The following ADGRL2 variants were observed in gnomAD, a reference collection of about 807,000 sequenced individuals.
ADGRL2 encodes the protein calcium-independent alpha-latrotoxin receptor 2.
ADGRL2 carries 44 observed loss-of-function variants against 157.4 expected under a neutral mutation model. That is an observed-to-expected ratio of 0.28 (90% CI 0.22 to 0.36). The LOEUF is 0.36. Among genes scored for constraint, ADGRL2 ranks in the 10% least tolerant of loss-of-function variants. The probability of loss-of-function intolerance (pLI) is 1.00; values close to 1 mark genes in which losing one functional copy is unlikely to be tolerated. For synonymous variants in ADGRL2, 585 were observed against 624.7 expected (o/e 0.94, Z 0.95); for missense variants, 1,510 against 1,768.9 (o/e 0.85, Z 2.63).
intron 2 of ADGRL2, among the ~76,000 whole-genome samples, chr1:81,493,156 G>A (rs777229744): frequency 6.6e-6 from 1 of 152,158 alleles, no homozygotes; most frequent in Non-Finnish European, 1.5e-5. Context: ...CAACAGGTTT[G>A]TGAAATGTAT....
intron 2 of ADGRL2, among the ~76,000 whole-genome samples, chr1:81,460,278 T>C (rs1422798852): frequency 6.6e-6 from 1 of 151,654 alleles, no homozygotes; most frequent in Non-Finnish European, 1.5e-5. Flanking sequence ...TATAACACTA[T>C]ATATATAGTG....
chr1:81,883,164 C>T (rs1405259555), intron 2 of ADGRL2, among the ~76,000 whole-genome samples: 1 of 152,044 alleles, frequency 6.6e-6, no homozygotes, highest in Non-Finnish European at 1.5e-5. Flanking sequence ...GGGTATGTTT[C>T]TTTAGTCTGA....
chr1:81,384,169 TAC>T (rs2076395309), intron 1 of ADGRL2, among the ~76,000 whole-genome samples: 2 of 152,230 alleles, frequency 1.3e-5, no homozygotes, highest in African/African-American at 4.8e-5. Context: ...ACCATCTAAA[TAC>T]CTGTCCATTA....
chr1:81,906,442 A>G (rs990075310), intron 2 of ADGRL2, among the ~76,000 whole-genome samples: 19 of 152,188 alleles, frequency 1.2e-4, no homozygotes, highest in Non-Finnish European at 2.2e-4. Context: ...CCATCTGCTG[A>G]TTCCTTTCAG....
chr1:81,387,659 A>G (rs745527166), intron 1 of ADGRL2, among the ~76,000 whole-genome samples: 24 of 152,094 alleles, frequency 1.6e-4, no homozygotes, highest in South Asian at 4.1e-4. Context: ...TTATTCATCA[A>G]CCAATTGTTA....
At chr1:81,487,010 C>T (rs942789339) in intron 2 of ADGRL2, among the ~76,000 whole-genome samples, 16 of 146,652 alleles carry the variant, frequency 1.1e-4, no homozygotes, top group African/African-American at 3.0e-4. Context: ...AATCCCAGAA[C>T]TTTGAGAGGC....
At chr1:81,866,476 A>G (rs1289222063) in intron 2 of ADGRL2, among the ~76,000 whole-genome samples, 5 of 152,142 alleles carry the variant, frequency 3.3e-5, no homozygotes, top group Non-Finnish European at 5.9e-5. Context: ...GTAGGCAGCT[A>G]TTGGTTCAAT....
At chr1:81,727,186 A>C (rs1001898994) in intron 1 of ADGRL2, among the ~76,000 whole-genome samples, 3 of 152,204 alleles carry the variant, frequency 2.0e-5, no homozygotes, top group Admixed American at 6.5e-5. Context: ...CTAATTCTCA[A>C]TTTTGTGAAA....
At chr1:81,862,229 C>T (rs979431217) in intron 2 of ADGRL2, among the ~76,000 whole-genome samples, 1 of 151,860 alleles carries the variant, frequency 6.6e-6, no homozygotes, top group Non-Finnish European at 1.5e-5. Context: ...GAAAAAACTT[C>T]CTAAATTTCA....
chr1:81,531,265 C>T (rs541484013), intron 2 of ADGRL2, among the ~76,000 whole-genome samples: 18 of 152,154 alleles, frequency 1.2e-4, no homozygotes, highest in African/African-American at 4.1e-4. Flanking sequence ...ATCAAAAGAG[C>T]TTTCACAGGA....
intron 2 of ADGRL2, among the ~76,000 whole-genome samples, chr1:81,578,519 G>T (rs1032868901): frequency 6.6e-6 from 1 of 152,100 alleles, no homozygotes; most frequent in African/African-American, 2.4e-5. Flanking sequence ...AGTGGCATTT[G>T]AATCTGATGC....
chr1:81,603,928 A>G (rs974270425), intron 3 of ADGRL2, among the ~76,000 whole-genome samples: 1 of 151,638 alleles, frequency 6.6e-6, no homozygotes, highest in African/African-American at 2.4e-5. Context: ...TAACTAGTCA[A>G]TCTTTTCACT....
At chr1:81,821,815 A>C (rs1243689020) in intron 1 of ADGRL2, among the ~76,000 whole-genome samples, 1 of 152,108 alleles carries the variant, frequency 6.6e-6, no homozygotes, top group African/African-American at 2.4e-5. Flanking sequence ...TTTCACAGTT[A>C]ATATTCAGAT....
intron 1 of ADGRL2, among the ~76,000 whole-genome samples, chr1:81,743,754 C>T (rs1557612788): frequency 6.6e-6 from 1 of 152,042 alleles, no homozygotes; most frequent in Non-Finnish European, 1.5e-5. Flanking sequence ...ATTGTCGTAA[C>T]CACATATATG....
chr1:81,365,384 C>A (rs1206052368), intron 1 of ADGRL2, among the ~76,000 whole-genome samples: 2 of 151,804 alleles, frequency 1.3e-5, no homozygotes, highest in African/African-American at 2.4e-5. Flanking sequence ...GAAACCTAAT[C>A]TTGTATTGCA....
chr1:81,810,125 C>T (rs1320592878), intron 1 of ADGRL2, among the ~76,000 whole-genome samples: 3 of 151,754 alleles, frequency 2.0e-5, no homozygotes, highest in African/African-American at 4.8e-5. Context: ...ATTTATAGAG[C>T]GAACAAAAGA....
At chr1:81,421,670 G>A (rs1371310276) in intron 1 of ADGRL2, among the ~76,000 whole-genome samples, 1 of 151,654 alleles carries the variant, frequency 6.6e-6, no homozygotes, top group Admixed American at 6.6e-5. Context: ...GATACTGAAG[G>A]TAACCACACA....
intron 2 of ADGRL2, among the ~76,000 whole-genome samples, chr1:81,530,906 A>C (rs2079582002): frequency 6.6e-6 from 1 of 151,938 alleles, no homozygotes; most frequent in Non-Finnish European, 1.5e-5. Context: ...AATATGGTGA[A>C]ACTCCATCTC....
chr1:81,877,671 G>A (rs2093876879), intron 2 of ADGRL2, among the ~76,000 whole-genome samples: 1 of 148,852 alleles, frequency 6.7e-6, no homozygotes, highest in Non-Finnish European at 1.5e-5. Context: ...TTGGGGAGGG[G>A]GGAGGTTGTT....
Sources: allele counts gnomAD v4.1 joint callset (sites outside exome capture counted in the v4.1 genomes callset), GRCh38; gene constraint gnomAD v4.1.1; transcripts MANE v1.5; gene names NCBI Gene and HGNC (gene_info 2026-07-23, HGNC 2026-07-21).